Variants in PRAMEF9 observed in about 807,000 individuals in gnomAD.
PRAMEF9 encodes PRAME family member 9/15.
Under a neutral mutation model 10.9 loss-of-function variants are expected in PRAMEF9, and 1 was observed. The observed-to-expected ratio is 0.09, with a 90% CI of 0.03 to 0.44. The LOEUF is 0.44. Among genes scored for constraint, PRAMEF9 ranks in the 20% least tolerant of loss-of-function variants. The pLI, the probability that PRAMEF9 is intolerant of heterozygous loss-of-function variation, is 0.97. For synonymous variants in PRAMEF9, 40 were observed against 148.3 expected (o/e 0.27, Z 5.31); for missense variants, 126 against 379.8 (o/e 0.33, Z 5.55).
rs1019432531 is a variant in PRAMEF9, at chr1:13,179,286, C to T, written c.*154C>T. 32 of 864,848 alleles carry T rather than the reference C, an allele frequency of 3.7e-5. No homozygotes were observed. In the Admixed American group the frequency reaches 4.7e-4, roughly 13 times the overall value. The allele number at this position is 864,848 out of a possible 1,614,324, so 53.6% of individuals were successfully genotyped here. On this transcript the variant is annotated 3_prime_UTR_variant, in exon 4 of 4. Coordinates refer to ENST00000415919, the MANE Select transcript of PRAMEF9 (RefSeq NM_001010890.3). ...GAAAGGAAAGCTGATCAAGCAGGGG[C>T]AGGACTTGGGGGAAATGTTGCCATG... is the stretch of plus-strand genomic sequence containing the variant.
intron 1 of PRAMEF9, 151 bp from the exon 2 acceptor site, chr1:13,175,114 G>A (rs1309190910): frequency 1.2e-6 from 1 of 852,368 alleles, no homozygotes; most frequent in Non-Finnish European, 1.8e-6. Flanking sequence ...CAGAATGCTG[G>A]CTTAATGGCC....
rs1638319176 is a variant in PRAMEF9 at position 13,171,883 on chromosome 1, T to TC, written c.-666_-665insC. ...TCTCTCTCTTTTTTCTTTTTCTTTTTTTTTTTTTTTTTTTTTAAATCTAGC... is the reference window on the plus strand; with the variant it reads ...TCTCTCTCTTTTTTCTTTTTCTTTTTCTTTTTTTTTTTTTTTTAAATCTAGC... On this transcript the variant is annotated 5_prime_UTR_variant, in exon 1 of 4. Coordinates refer to ENST00000415919, the MANE Select transcript of PRAMEF9 (RefSeq NM_001010890.3). 2.3e-5 allele frequency: 3 copies of TC among 133,322 alleles called. No individual in the cohort carries two copies. Among genetic ancestry groups the TC allele is most frequent in the African/African-American group, 7.6e-5 (3 of 39,660 alleles). The allele number at this position is 133,322 out of a possible 1,614,324, so 8.3% of individuals were successfully genotyped here. A position where few individuals can be genotyped will look rare whatever the true frequency, so the allele number is the denominator to read the frequency against.
intron 1 of PRAMEF9, chr1:13,172,735 G>C (rs1172300185): frequency 5.1e-5 from 7 of 138,592 alleles, no homozygotes; most frequent in African/African-American, 1.7e-4. Flanking sequence ...TTTGGTTGAT[G>C]CCATTTTAAA....
Position 13,172,129 on chromosome 1 carries a change from C to T in PRAMEF9, c.-420C>T, listed in dbSNP as rs1208405996. The T allele has an allele frequency of 2.8e-5, 4 of 144,436 alleles. No homozygotes were observed. The Admixed American group carries it at 2.8e-4, about 10-fold the overall frequency. The allele number at this position is 144,436 out of a possible 1,614,324, so 8.9% of individuals were successfully genotyped here. A position where few individuals can be genotyped will look rare whatever the true frequency, so the allele number is the denominator to read the frequency against. On this transcript the variant is annotated 5_prime_UTR_variant, in exon 1 of 4. Transcript: ENST00000415919. ...ACCTCAGATAATCCACCTGCCTCTG[C>T]CTCCCACAGTGCTGGGATTACAGGT...
At chr1:13,172,827 G>A (rs1448050036) in intron 1 of PRAMEF9, 4 of 141,772 alleles carry the variant, frequency 2.8e-5, no homozygotes, top group Non-Finnish European at 4.8e-5. Flanking sequence ...CAGCCCAGGG[G>A]TTTGAGACCA....
intron 1 of PRAMEF9, chr1:13,174,894 A>T (rs1328667116): frequency 5.5e-6 from 1 of 180,966 alleles, no homozygotes; most frequent in Non-Finnish European, 1.1e-5. Flanking sequence ...GTAGGAACTG[A>T]AAATGTGGGC....
At position 13,172,010 on chromosome 1, in the gene PRAMEF9, G is replaced by T. The variant is rs1456041855; in HGVS notation, c.-539G>T. On this transcript the variant is annotated 5_prime_UTR_variant, in exon 1 of 4. Transcript: ENST00000415919. ...CTGTCTCAGCCTCCCTAGTAGCCTGGACTATAGGCGCAGACCACCGCAACT... is the reference window on the plus strand; with the variant it reads ...CTGTCTCAGCCTCCCTAGTAGCCTGTACTATAGGCGCAGACCACCGCAACT... 2.8e-5 allele frequency: 4 copies of T among 141,528 alleles called. 1 individual carries two copies. The highest frequency in any genetic ancestry group is 4.9e-5 in the African/African-American group (2 of 40,666). The allele number at this position is 141,528 out of a possible 1,614,324, so 8.8% of individuals were successfully genotyped here.
chr1:13,179,283 G>A lies in PRAMEF9; in HGVS notation c.*151G>A. 6.9e-6 allele frequency: 6 copies of A among 871,276 alleles called. No individual in the cohort carries two copies. The highest frequency in any genetic ancestry group is 6.6e-5 in the South Asian group (4 of 60,284). The allele number at this position is 871,276 out of a possible 1,614,324, so 54.0% of individuals were successfully genotyped here. A position where few individuals can be genotyped will look rare whatever the true frequency, so the allele number is the denominator to read the frequency against. On this transcript the variant is annotated 3_prime_UTR_variant, in exon 4 of 4. Transcript: ENST00000415919. ...TGGGAAAGGAAAGCTGATCAAGCAG[G>A]GGCAGGACTTGGGGGAAATGTTGCC... is the stretch of plus-strand genomic sequence containing the variant.
chr1:13,175,048 C>G (rs1477417054), intron 1 of PRAMEF9: 5 of 556,782 alleles, frequency 9.0e-6, no homozygotes, highest in South Asian at 2.0e-5. Context: ...AGGAAGGGCT[C>G]GTGGTGACCC....
chr1:13,179,074 G>A lies in PRAMEF9; in HGVS notation c.1379G>A (p.Cys460Tyr). 1 of 1,541,468 alleles carries A rather than the reference G, an allele frequency of 6.5e-7. No homozygotes were observed. The highest frequency in any genetic ancestry group is 8.9e-7 in the Non-Finnish European group (1 of 1,122,776). The change falls in exon 4 of 4, where the codon TGC (cysteine) becomes TAC (tyrosine). Residue 460 changes from cysteine to tyrosine, a missense_variant. Cys to Tyr is a radical substitution (Grantham distance 194). Coordinates refer to ENST00000415919, the MANE Select transcript of PRAMEF9 (RefSeq NM_001010890.3). ...PKRIFFCIDN[C>Y]PDCGNRSFYD... The stretch of plus-strand genomic sequence containing the variant: ...AGGATCTTTTTCTGTATTGACAACT[G>A]CCCTGACTGTGGCAACAGGTCATTT...
intron 1 of PRAMEF9, chr1:13,172,734 T>G (rs1410880859): frequency 3.6e-5 from 5 of 138,556 alleles, no homozygotes; most frequent in African/African-American, 1.2e-4. Flanking sequence ...CTTTGGTTGA[T>G]GCCATTTTAA....
At chr1:13,172,907 G>A (rs1638344574) in intron 1 of PRAMEF9, 1 of 138,594 alleles carries the variant, frequency 7.2e-6, no homozygotes, top group African/African-American at 2.5e-5. Context: ...GAGTCTCACT[G>A]TGTTGCCCAG....
At position 13,175,045 on chromosome 1, in the gene PRAMEF9, G is replaced by A. The variant is rs1194968278; in HGVS notation, c.-16-220G>A. On this transcript the variant is annotated intron_variant, in intron 1 of 3. Coordinates refer to ENST00000415919, the MANE Select transcript of PRAMEF9 (RefSeq NM_001010890.3). ...ATGGAGCACTGGATAGAAAGGAAGG[G>A]CTCGTGGTGACCCTGCTTCCTCACT... 8 of 545,720 alleles carry A rather than the reference G, an allele frequency of 1.5e-5. 1 individual carries two copies. Among genetic ancestry groups the A allele is most frequent in the Admixed American group, 1.3e-4 (4 of 30,326 alleles). The allele number at this position is 545,720 out of a possible 1,614,324, so 33.8% of individuals were successfully genotyped here.
intron 1 of PRAMEF9, chr1:13,175,051 G>T (rs1638359987): frequency 5.2e-6 from 3 of 574,572 alleles, no homozygotes; most frequent in South Asian, 4.0e-5. Context: ...AAGGGCTCGT[G>T]GTGACCCTGC....
rs1432421726 is a variant in PRAMEF9 at position 13,171,961 on chromosome 1, G to A, written c.-588G>A. ...GTATTGTCAGCTCACTGCAACCTCT[G>A]CCTCCTGGGTTCAAGGGATCCTCCT... On this transcript the variant is annotated 5_prime_UTR_variant, in exon 1 of 4. Transcript: ENST00000415919. The A allele has an allele frequency of 7.4e-6, 1 of 135,998 alleles. No individual in the cohort carries two copies. The highest frequency in any genetic ancestry group is 2.5e-5 in the African/African-American group (1 of 39,394). 8.4% of individuals were successfully genotyped at this position (135,998 alleles called of 1,614,324 possible).
chr1:13,172,367 T>A lies in PRAMEF9; in HGVS notation c.-182T>A, dbSNP rs1638333870. 6.9e-6 allele frequency: 1 copy of A among 144,626 alleles called. No homozygotes were observed. The highest frequency in any genetic ancestry group is 2.2e-4 in the East Asian group (1 of 4,566). The allele number at this position is 144,626 out of a possible 1,614,324, so 9.0% of individuals were successfully genotyped here. On this transcript the variant is annotated 5_prime_UTR_variant, in exon 1 of 4. Coordinates refer to ENST00000415919, the MANE Select transcript of PRAMEF9 (RefSeq NM_001010890.3). The stretch of plus-strand genomic sequence containing the variant: ...ATGCAATCAGATATCATTTTTTGAT[T>A]GGAAGCTAGCAGCGGATACGTGGAG...
chr1:13,172,730 T>G (rs1638340845), intron 1 of PRAMEF9, 198 bp downstream of exon 1: 1 of 138,290 alleles, frequency 7.2e-6, no homozygotes, highest in Admixed American at 7.6e-5. Flanking sequence ...TGTGCTTTGG[T>G]TGATGCCATT....
chr1:13,179,023 G>T lies in PRAMEF9; in HGVS notation c.1328G>T (p.Arg443Ile). 1 of 1,541,832 alleles carries T rather than the reference G, an allele frequency of 6.5e-7. No homozygotes were observed. The highest frequency in any genetic ancestry group is 8.9e-7 in the Non-Finnish European group (1 of 1,123,164). Residue 443 changes from arginine to isoleucine, a missense_variant, in exon 4 of 4, where the codon AGA becomes ATA. By Grantham distance (97) the Arg-to-Ile change is moderately conservative. Coordinates refer to ENST00000415919, the MANE Select transcript of PRAMEF9 (RefSeq NM_001010890.3). ...FAQIRAELMN[R>I]VRDLRHPKRI... ...CAAATTAGGGCTGAGCTGATGAACA[G>T]AGTGAGGGACTTAAGGCACCCCAAG...
rs1225568351 is a variant in PRAMEF9, at chr1:13,172,307, A to G, written c.-242A>G. On this transcript the variant is annotated 5_prime_UTR_variant, in exon 1 of 4. Coordinates refer to ENST00000415919, the MANE Select transcript of PRAMEF9 (RefSeq NM_001010890.3). ...TTAATCTGGGGAGAGCCAAAAACCC[A>G]ATCAGGATTACCTGGGTGGAGTGGA... 4.4e-5 allele frequency: 5 copies of G among 112,688 alleles called. No homozygotes were observed. The highest frequency in any genetic ancestry group is 1.3e-4 in the African/African-American group (5 of 38,916). 7.0% of individuals were successfully genotyped at this position (112,688 alleles called of 1,614,324 possible).
Sources: gnomAD v4.1 joint callset for allele counts on GRCh38, gnomAD v4.1.1 for gene constraint, MANE v1.5 for transcripts, NCBI Gene and HGNC (gene_info 2026-07-23, HGNC 2026-07-21) for gene names.